NBEA: variants seen among roughly 807,000 people sequenced by gnomAD.
The protein encoded by NBEA is lysosomal-trafficking regulator 2.
NBEA carries 44 observed loss-of-function variants against 343.4 expected under a neutral mutation model. The ratio of observed to expected loss-of-function variants is 0.13; its 90% CI spans 0.10 to 0.16. The LOEUF (loss-of-function observed/expected upper bound fraction) is 0.16, where lower values mean the gene tolerates loss of function less well. Ranked by LOEUF, NBEA falls within the 10% of genes least tolerant of loss-of-function variation. The pLI, the probability that NBEA is intolerant of heterozygous loss-of-function variation, is 1.00. For synonymous variants in NBEA, 1,175 were observed against 1,238.7 expected, an observed-to-expected ratio of 0.95 and a Z score of 1.08; for missense variants, 2,555 against 3,631.3, an observed-to-expected ratio of 0.70 and a Z score of 7.62.
intron 38 of NBEA, among the ~76,000 whole-genome samples, chr13:35,375,318 C>G (rs572880489): frequency 2.0e-5 from 3 of 152,052 alleles, no homozygotes; most frequent in Non-Finnish European, 2.9e-5. Flanking sequence ...TTAGCCACGC[C>G]GTCTCAACGT....
intron 1 of NBEA, among the ~76,000 whole-genome samples, chr13:35,010,741 A>AATATATATATAT (rs869140392): frequency 3.1e-4 from 10 of 31,932 alleles, no homozygotes; most frequent in East Asian, 1.9e-3. Flanking sequence ...AAAAAAAAAA[A>AATATATATATAT]ATATATATAT....
intron 35 of NBEA, among the ~76,000 whole-genome samples, chr13:35,301,869 A>G (rs1212204287): frequency 1.3e-5 from 2 of 152,260 alleles, no homozygotes; most frequent in East Asian, 3.9e-4. Flanking sequence ...CTTTTTAATG[A>G]TCGCCATTCT....
intron 45 of NBEA, among the ~76,000 whole-genome samples, chr13:35,572,973 G>A (rs2080513697): frequency 6.6e-6 from 1 of 152,166 alleles, no homozygotes; most frequent in Non-Finnish European, 1.5e-5. Flanking sequence ...TACTAGGTGT[G>A]TTAGTGGTAG....
chr13:35,228,941 A>T (rs2074819538), intron 33 of NBEA, among the ~76,000 whole-genome samples: 1 of 152,096 alleles, frequency 6.6e-6, no homozygotes, highest in South Asian at 2.1e-4. Context: ...ACTCACTCAG[A>T]CTGTGCAGGG....
intron 30 of NBEA, among the ~76,000 whole-genome samples, chr13:35,195,420 T>C (rs1018783986): frequency 6.6e-6 from 1 of 151,682 alleles, no homozygotes; most frequent in African/African-American, 2.4e-5. Context: ...TTTTTTGAGA[T>C]GGAGTTTTGC....
At chr13:35,453,880 G>A (rs1195766155) in intron 40 of NBEA, among the ~76,000 whole-genome samples, 1 of 152,000 alleles carries the variant, frequency 6.6e-6, no homozygotes, top group Non-Finnish European at 1.5e-5. Flanking sequence ...CCCCAAAAAA[G>A]TTAAGTTCAA....
chr13:35,085,145 A>T (rs896761048), intron 10 of NBEA, among the ~76,000 whole-genome samples: 3 of 152,274 alleles, frequency 2.0e-5, no homozygotes, highest in Admixed American at 6.5e-5. Flanking sequence ...GCCGAATTCT[A>T]CCGGAGGTAC....
At chr13:35,310,028 T>C (rs1441670211) in intron 36 of NBEA, among the ~76,000 whole-genome samples, 1 of 152,152 alleles carries the variant, frequency 6.6e-6, no homozygotes, top group African/African-American at 2.4e-5. Flanking sequence ...ATATTAAATA[T>C]AGCAAATATA....
chr13:34,999,069 A>G, intron 1 of NBEA, among the ~76,000 whole-genome samples: 1 of 152,116 alleles, frequency 6.6e-6, no homozygotes, highest in East Asian at 1.9e-4. Flanking sequence ...GGGGTCCCTG[A>G]CTTCCCTCAA....
intron 38 of NBEA, among the ~76,000 whole-genome samples, chr13:35,412,801 G>A (rs546367674): frequency 1.3e-5 from 2 of 152,138 alleles, no homozygotes; most frequent in South Asian, 2.1e-4. Flanking sequence ...AGTTAGAAGC[G>A]GTGCAGCATA....
At chr13:35,606,403 T>A in intron 47 of NBEA, 23 bp from the exon 48 acceptor site, 1 of 1,376,280 alleles carries the variant, frequency 7.3e-7, no homozygotes. Context: ...TGGTTTAATA[T>A]GCTTCATTTT....
chr13:35,588,446 T>C (rs2081382114), intron 46 of NBEA, among the ~76,000 whole-genome samples: 1 of 152,162 alleles, frequency 6.6e-6, no homozygotes, highest in African/African-American at 2.4e-5. Context: ...TCCTTTACCT[T>C]AGACCTTTTA....
rs1479433346 is a variant in NBEA at position 35,182,414 on chromosome 13, G to A, written c.4717G>A (p.Val1573Ile). ...LALAVVYFISVLMVSKYRDIL... is the reference protein window; with the variant it reads ...LALAVVYFISILMVSKYRDIL... ...TCTGGCTGTTGTTTACTTCATTTCG[G>A]TTCTGATGGTTTCCAAGTATCGTGA... Residue 1573 changes from valine (V) to isoleucine (I), a missense_variant, in exon 29 of 59, where the codon GTT becomes ATT. This residue lies in a region of NBEA where 3 missense variants were observed against 25.7 expected (regional missense o/e 0.12). Coordinates refer to ENST00000379939, the MANE Select transcript of NBEA (RefSeq NM_001385012.1). The A allele has an allele frequency of 6.2e-7, 1 of 1,610,790 alleles. No homozygotes were observed.
intron 33 of NBEA, among the ~76,000 whole-genome samples, chr13:35,216,218 C>T (rs1346843308): frequency 2.6e-5 from 4 of 151,446 alleles, no homozygotes; most frequent in Non-Finnish European, 4.4e-5. Flanking sequence ...ATTTACATCA[C>T]GTTTGCTTGC....
At chr13:35,370,730 G>T (rs74831973) in intron 38 of NBEA, among the ~76,000 whole-genome samples, 1,656 of 151,980 alleles carry the variant, frequency 0.011, 29 homozygotes, top group African/African-American at 0.038. Flanking sequence ...ATACTTTCAG[G>T]TATTTTCATG....
chr13:35,511,831 A>AT (rs2077289157), intron 41 of NBEA, among the ~76,000 whole-genome samples: 1 of 152,174 alleles, frequency 6.6e-6, no homozygotes. Context: ...TATTGTTAAT[A>AT]TAGCAGTTAC....
chr13:35,564,158 CTG>C (rs1443902816), intron 44 of NBEA, among the ~76,000 whole-genome samples: 2 of 151,950 alleles, frequency 1.3e-5, no homozygotes, highest in African/African-American at 4.8e-5. Flanking sequence ...CATTTAAATA[CTG>C]TGTTTATGTA....
chr13:35,453,110 G>C (rs1229674580), intron 40 of NBEA, among the ~76,000 whole-genome samples: 3 of 152,168 alleles, frequency 2.0e-5, no homozygotes, highest in South Asian at 2.1e-4. Context: ...CATAACACTT[G>C]TTGCAAGGAA....
chr13:35,209,144 G>C (rs1054748572), intron 32 of NBEA, among the ~76,000 whole-genome samples: 1 of 152,052 alleles, frequency 6.6e-6, no homozygotes, highest in African/African-American at 2.4e-5. Flanking sequence ...AGAAGCAAAG[G>C]ATAATTTGAA....
Sources: allele counts gnomAD v4.1 joint callset (sites outside exome capture counted in the v4.1 genomes callset), GRCh38; gene constraint gnomAD v4.1.1; regional missense constraint gnomAD v4.1.1; transcripts MANE v1.5; gene names NCBI Gene and HGNC (gene_info 2026-07-23, HGNC 2026-07-21).